PIEZO2: variants seen among roughly 807,000 people sequenced by gnomAD.
PIEZO2 encodes piezo-type mechanosensitive ion channel component 2.
PIEZO2 carries 172 observed loss-of-function variants against 337.3 expected under a neutral mutation model. The ratio of observed to expected loss-of-function variants is 0.51; its 90% CI spans 0.45 to 0.58. PIEZO2 has a LOEUF of 0.58. Among genes scored for constraint, PIEZO2 ranks in the 20% least tolerant of loss-of-function variants. The probability of loss-of-function intolerance (pLI) is 0.00; values close to 1 mark genes in which losing one functional copy is unlikely to be tolerated. For missense variants in PIEZO2, 3,028 were observed against 3,391.3 expected (o/e 0.89, Z 2.66); for synonymous variants, 1,251 against 1,228.5 (o/e 1.02, Z -0.38).
intron 2 of PIEZO2, among the ~76,000 whole-genome samples, chr18:10,999,184 C>CA (rs35723374): frequency 0.19 from 21,450 of 111,614 alleles, 1,554 homozygotes; most frequent in Middle Eastern, 0.22. Context: ...AAGGCAACAG[C>CA]AAAAAAAAAA....
chr18:10,743,728 A>T (rs1396654651), intron 31 of PIEZO2, among the ~76,000 whole-genome samples: 2 of 152,218 alleles, frequency 1.3e-5, no homozygotes, highest in Non-Finnish European at 2.9e-5. Flanking sequence ...TATATCAAGT[A>T]CTTGGCACTG....
intron 1 of PIEZO2, among the ~76,000 whole-genome samples, chr18:11,140,956 G>C (rs1388088172): frequency 1.3e-5 from 2 of 152,306 alleles, no homozygotes; most frequent in East Asian, 3.9e-4. Flanking sequence ...GCTTGATGTG[G>C]ACATGGTAAC....
In PIEZO2 at chr18:11,080,916, T is replaced by TG. The variant is rs2038716057; in HGVS notation, c.65-14695dup. ...GAGAAAAGTTATCACACCTGACCAA[T>TG]GGAGTCAACGTCCAATAGCTTCACC... On this transcript the variant is annotated intron_variant, in intron 1 of 55. Transcript: ENST00000674853. This position sits in a 1 kb window ranked among gnomAD's most constrained non-coding sequence, Gnocchi z 5.4. Among the ~76,000 whole-genome samples, 1 of 152,170 alleles carries TG rather than the reference T, an allele frequency of 6.6e-6. No individual in the cohort carries two copies. Among genetic ancestry groups the TG allele is most frequent in the Non-Finnish European group, 1.5e-5 (1 of 68,026 alleles).
Position 11,070,650 on chromosome 18 carries a change from A to T in PIEZO2, c.65-4428T>A, listed in dbSNP as rs1044502066. On this transcript the variant is annotated intron_variant, in intron 1 of 55. Transcript: ENST00000674853. The surrounding 1 kb of genome is among the most constrained non-coding windows in gnomAD (Gnocchi z 4.3). ...TAGACTGTCGTGACTGCCGGTAAGGATGTCCTTGCAGGCCCTCGCAGAAGG... is the reference window on the plus strand; with the variant it reads ...TAGACTGTCGTGACTGCCGGTAAGGTTGTCCTTGCAGGCCCTCGCAGAAGG... Among the ~76,000 whole-genome samples, 3 of 152,200 alleles carry T rather than the reference A, an allele frequency of 2.0e-5. No individual in the cohort carries two copies. In the East Asian group the frequency reaches 5.8e-4, roughly 29 times the overall value.
intron 11 of PIEZO2, 139 bp from the exon 12 acceptor site, chr18:10,797,661 C>G (rs1005104937): frequency 4.4e-6 from 6 of 1,363,950 alleles, no homozygotes; most frequent in Non-Finnish European, 4.8e-6. Flanking sequence ...ATTCATAAAG[C>G]CCTTAAAATT....
rs80228306 is a variant in PIEZO2 at position 10,843,193 on chromosome 18, G to A, written c.917+12160C>T. Reference sequence around the variant, plus strand: ...ATAAATTAAAATACAGAACATGGATGAGGATCTTAACTCTTAACAAACAAG... The same window carrying A: ...ATAAATTAAAATACAGAACATGGATAAGGATCTTAACTCTTAACAAACAAG... On this transcript the variant is annotated intron_variant, in intron 7 of 55. Transcript: ENST00000674853. 4.7e-3 allele frequency among the ~76,000 whole-genome samples: 714 copies of A among 152,270 alleles called. 5 individuals are homozygous for A. Among genetic ancestry groups the A allele is most frequent in the African/African-American group, 0.015 (619 of 41,558 alleles).
rs1055821993 is a variant in PIEZO2 at position 11,031,943 on chromosome 18, G to C, written c.160+34184C>G. Among the ~76,000 whole-genome samples, 4 of 152,034 alleles carry C rather than the reference G, an allele frequency of 2.6e-5. No homozygotes were observed. Among genetic ancestry groups the C allele is most frequent in the African/African-American group, 4.8e-5 (2 of 41,382 alleles). On this transcript the variant is annotated intron_variant, in intron 2 of 55. Coordinates refer to ENST00000674853, the MANE Select transcript of PIEZO2 (RefSeq NM_001378183.1). The surrounding 1 kb of genome is among the most constrained non-coding windows in gnomAD (Gnocchi z 4.7). ...ATTTCCAAGATACGAGACAAAACTCGTTCTCTCTCTGTCTTTCTCTGTTTC... is the reference window on the plus strand; with the variant it reads ...ATTTCCAAGATACGAGACAAAACTCCTTCTCTCTCTGTCTTTCTCTGTTTC...
chr18:10,737,572 G>A (rs1294707064), intron 33 of PIEZO2: 1 of 152,212 alleles, frequency 6.6e-6, no homozygotes, highest in Non-Finnish European at 1.5e-5. Flanking sequence ...AGCACAAACA[G>A]TATGGATTGT....
At chr18:10,906,568 T>G (rs1261533833) in intron 4 of PIEZO2, among the ~76,000 whole-genome samples, 1 of 151,952 alleles carries the variant, frequency 6.6e-6, no homozygotes. Context: ...ATAAGAACTT[T>G]TTTTTTTTTT....
intron 12 of PIEZO2, among the ~76,000 whole-genome samples, chr18:10,796,416 C>T (rs546781260): frequency 6.6e-6 from 1 of 151,868 alleles, no homozygotes; most frequent in South Asian, 2.1e-4. Flanking sequence ...TTACGTCTCA[C>T]CCAAATCTAA....
Position 10,680,020 on chromosome 18 carries a change from T to C in PIEZO2, c.7952+179A>G, listed in dbSNP as rs688714. Among the ~76,000 whole-genome samples the C allele has an allele frequency of 0.71, 107,306 of 151,898 alleles. 40,431 individuals are homozygous for C. The highest frequency in any genetic ancestry group is 0.83 in the Non-Finnish European group (56,410 of 67,930). On this transcript the variant is annotated intron_variant, in intron 52 of 55. Coordinates refer to ENST00000674853, the MANE Select transcript of PIEZO2 (RefSeq NM_001378183.1). ...TTAGTGATTCCTAGGCAAGTCATTA[T>C]TTAATACATAAAAATGTTAGCTTTG...
Position 10,696,439 on chromosome 18 carries a change from C to A in PIEZO2, c.6928G>T (p.Asp2310Tyr). 1 of 1,614,254 alleles carries A rather than the reference C, an allele frequency of 6.2e-7. No individual in the cohort carries two copies. Among genetic ancestry groups the A allele is most frequent in the Non-Finnish European group, 8.5e-7 (1 of 1,180,044 alleles). ...ACAATGATGATGAAGTCCACAGTGT[C>A]AGCCAGGAACATGAGTACATACACG... is the stretch of plus-strand genomic sequence containing the variant. ...TDVYVLMFLA[D>Y]TVDFIIIVFG... Residue 2310 changes from aspartate (D) to tyrosine (Y), a missense_variant, in exon 46 of 56, where the codon GAC becomes TAC. By Grantham distance (160) the Asp-to-Tyr change is radical (BLOSUM62 -3). Transcript: ENST00000674853.
chr18:10,997,366 T>C (rs914441727), intron 2 of PIEZO2, among the ~76,000 whole-genome samples: 2 of 152,136 alleles, frequency 1.3e-5, no homozygotes, highest in Non-Finnish European at 2.9e-5. Context: ...AATCCCAAAT[T>C]ATTTGATAAA....
rs1343348583 is a variant in PIEZO2, at chr18:10,945,712, A to G, written c.286+33823T>C. On this transcript the variant is annotated intron_variant, in intron 3 of 55. Coordinates refer to ENST00000674853, the MANE Select transcript of PIEZO2 (RefSeq NM_001378183.1). The surrounding 1 kb of genome is among the most constrained non-coding windows in gnomAD (Gnocchi z 4.0). ...ATAATCAGCAGAAAAAATCAATCAA[A>G]ATCTTCCCAGAACTGCCAAAGGTGT... 6.6e-6 allele frequency among the ~76,000 whole-genome samples: 1 copy of G among 152,224 alleles called. No individual in the cohort carries two copies. The highest frequency in any genetic ancestry group is 2.4e-5 in the African/African-American group (1 of 41,458).
intron 36 of PIEZO2, among the ~76,000 whole-genome samples, chr18:10,719,990 A>T (rs1468668986): frequency 6.6e-6 from 1 of 152,042 alleles, no homozygotes; most frequent in African/African-American, 2.4e-5. Context: ...TGATGCTGTC[A>T]TCTGATAGAG....
chr18:11,128,637 G>C lies in PIEZO2; in HGVS notation c.64+19888C>G, dbSNP rs1159985547. ...AAACCCTGCGCTGCCTGAGGCAACA[G>C]TGATGGCCTCCCCTGAAGCAGTTTC... On this transcript the variant is annotated intron_variant, in intron 1 of 55. Transcript: ENST00000674853. The surrounding 1 kb of genome is among the most constrained non-coding windows in gnomAD (Gnocchi z 4.1). Among the ~76,000 whole-genome samples the C allele has an allele frequency of 6.6e-6, 1 of 152,158 alleles. No individual in the cohort carries two copies. Among genetic ancestry groups the C allele is most frequent in the Non-Finnish European group, 1.5e-5 (1 of 68,024 alleles).
chr18:10,799,928 G>A (rs1319792225), intron 11 of PIEZO2, among the ~76,000 whole-genome samples: 3 of 149,612 alleles, frequency 2.0e-5, no homozygotes, highest in East Asian at 2.0e-4. Flanking sequence ...AGCTGAGATC[G>A]TGCCATTGCA....
In PIEZO2 at chr18:10,855,042, C is replaced by T. The variant is rs763337353; in HGVS notation, c.917+311G>A. Among the ~76,000 whole-genome samples the T allele has an allele frequency of 2.0e-5, 3 of 152,124 alleles. No individual in the cohort carries two copies. The highest frequency in any genetic ancestry group is 4.8e-5 in the African/African-American group (2 of 41,416). On this transcript the variant is annotated intron_variant, in intron 7 of 55. Coordinates refer to ENST00000674853, the MANE Select transcript of PIEZO2 (RefSeq NM_001378183.1). This position sits in a 1 kb window ranked among gnomAD's most constrained non-coding sequence, Gnocchi z 4.9. Reference sequence around the variant, plus strand: ...GCTGTGGCACATCCTTATTGTTCTTCGGTGTAAAATGTTCTTCCTGATCTT... The same window carrying T: ...GCTGTGGCACATCCTTATTGTTCTTTGGTGTAAAATGTTCTTCCTGATCTT...
At position 11,087,188 on chromosome 18, in the gene PIEZO2, G is replaced by A. The variant is rs551877436; in HGVS notation, c.65-20966C>T. 8.2e-4 allele frequency among the ~76,000 whole-genome samples: 125 copies of A among 152,262 alleles called. 1 individual carries two copies. The highest frequency in any genetic ancestry group is 2.8e-3 in the African/African-American group (115 of 41,542). On this transcript the variant is annotated intron_variant, in intron 1 of 55. Coordinates refer to ENST00000674853, the MANE Select transcript of PIEZO2 (RefSeq NM_001378183.1). ...TGGACTCTCACCAGACACTGAATCG[G>A]CTGGTGTCTATACCTCAGGCTTCCC...
Sources: gnomAD v4.1 joint callset for allele counts (sites outside exome capture counted in the v4.1 genomes callset) on GRCh38, gnomAD v4.1.1 for gene constraint, Gnocchi (gnomAD v3.1) non-coding constraint, MANE v1.5 for transcripts, NCBI Gene and HGNC (gene_info 2026-07-23, HGNC 2026-07-21) for gene names.